Variants in SUGT1 observed in about 807,000 individuals in gnomAD.
SUGT1 encodes SGT1 assembly cochaperone of MIS12 kinetochore complex.
In SUGT1, 15 loss-of-function variants were observed where a neutral mutation model predicts 56.1. The ratio of observed to expected loss-of-function variants is 0.27; its 90% CI spans 0.18 to 0.41. The LOEUF is 0.41. Ranked by LOEUF, SUGT1 falls within the 10% of genes least tolerant of loss-of-function variation. SUGT1 has a pLI of 1.00. For synonymous variants in SUGT1, 123 were observed against 128.6 expected (o/e 0.96, Z 0.30); for missense variants, 347 against 382.2 (o/e 0.91, Z 0.77).
chr13:52,657,996 A>G, intron 3 of SUGT1: 1 of 821,708 alleles, frequency 1.2e-6, no homozygotes, highest in Non-Finnish European at 1.6e-6. Context: ...CCAAAGCAGG[A>G]GGATCATTTG....
At position 52,665,691 on chromosome 13, in the gene SUGT1, T is replaced by C; in HGVS notation, c.477T>C (p.Asn159=). The C allele has an allele frequency of 6.2e-7, 1 of 1,608,926 alleles. No individual in the cohort carries two copies. Among genetic ancestry groups the C allele is most frequent in the Non-Finnish European group, 8.5e-7 (1 of 1,178,482 alleles). Residue 159 remains asparagine (N), a synonymous_variant, in exon 9 of 13, where the codon AAT becomes AAC. Coordinates refer to ENST00000310528, the MANE Select transcript of SUGT1 (RefSeq NM_006704.5). The part of the protein sequence containing the change: ...SQVVITLMIK[N]VQKNDVNVEF... ...TAGTCATTACACTTATGATCAAGAA[T>C]GTTCAGAAGAATGATGTAAATGTGG...
At chr13:52,660,755 A>C (rs1395714143) in intron 5 of SUGT1, among the ~76,000 whole-genome samples, 1 of 152,222 alleles carries the variant, frequency 6.6e-6, no homozygotes, top group African/African-American at 2.4e-5. Flanking sequence ...CTTGGTACCT[A>C]ATGTGAAAAT....
chr13:52,671,919 G>A (rs9536228), intron 10 of SUGT1, among the ~76,000 whole-genome samples: 145,670 of 152,258 alleles, frequency 0.96, 69,703 homozygotes, highest in East Asian at 0.99. Flanking sequence ...TGAAAAATGC[G>A]CTTACAGCAA....
rs78398870 is a variant in SUGT1, at chr13:52,658,379, A to T, written c.188-20A>T. ...AGGATCTATAAATAACTGACTAAAA[A>T]CCCGTCTTTTTCTACACAGTTGCTG... On this transcript the variant is annotated intron_variant, in intron 3 of 12. Coordinates refer to ENST00000310528, the MANE Select transcript of SUGT1 (RefSeq NM_006704.5). 1.1e-3 allele frequency: 1,691 copies of T among 1,609,038 alleles called. 15 individuals are homozygous for T. In the African/African-American group the frequency reaches 0.021, roughly 20 times the overall value.
chr13:52,657,974 C>T (rs935867334), intron 3 of SUGT1: 2 of 651,706 alleles, frequency 3.1e-6, no homozygotes, highest in Non-Finnish European at 4.2e-6. Flanking sequence ...GTAATCCCAA[C>T]ACTTTGGGAG....
Position 52,658,483 on chromosome 13 carries a change from CTCT to C in SUGT1, c.257+20_257+22del. 6.2e-7 allele frequency: 1 copy of C among 1,604,728 alleles called. No individual in the cohort carries two copies. The highest frequency in any genetic ancestry group is 8.5e-7 in the Non-Finnish European group (1 of 1,177,588). ...CTGAGAAAAGGGTATGCAGTAGCTA[CTCT>C]TCTTGTTGAGCTTGGTATAGATAGT... On this transcript the variant is annotated intron_variant, in intron 4 of 12. Coordinates refer to ENST00000310528, the MANE Select transcript of SUGT1 (RefSeq NM_006704.5).
chr13:52,662,014 G>A (rs918000114), intron 5 of SUGT1, among the ~76,000 whole-genome samples: 1 of 152,168 alleles, frequency 6.6e-6, no homozygotes, highest in Non-Finnish European at 1.5e-5. Flanking sequence ...TGTGTCTCCA[G>A]AAGTGAATAA....
At chr13:52,661,459 A>G (rs1235362533) in intron 5 of SUGT1, 4 of 282,674 alleles carry the variant, frequency 1.4e-5, no homozygotes, top group South Asian at 1.1e-4. Flanking sequence ...AGCCTGGCTA[A>G]TTTTTGTATT....
At chr13:52,665,594 A>G in intron 8 of SUGT1, 43 bp from the exon 9 acceptor site, 1 of 1,462,630 alleles carries the variant, frequency 6.8e-7, no homozygotes, top group South Asian at 1.3e-5. Flanking sequence ...TAGCTTTAAA[A>G]AAATTAGAAG....
rs1274722360 is a variant in SUGT1 at position 52,697,420 on chromosome 13, A to T, written c.*9585A>T. 1 of 152,256 alleles carries T rather than the reference A, an allele frequency of 6.6e-6. No individual in the cohort carries two copies. The allele number at this position is 152,256 out of a possible 1,614,324, so 9.4% of individuals were successfully genotyped here. A position where few individuals can be genotyped will look rare whatever the true frequency, so the allele number is the denominator to read the frequency against. On this transcript the variant is annotated 3_prime_UTR_variant, in exon 13 of 13. Coordinates refer to ENST00000310528, the MANE Select transcript of SUGT1 (RefSeq NM_006704.5). ...AGCCCAAATGTCTTGGGGAGAGTACAGGAGAGGCCAGATCTTAAAAGCCAG... is the reference window on the plus strand; with the variant it reads ...AGCCCAAATGTCTTGGGGAGAGTACTGGAGAGGCCAGATCTTAAAAGCCAG...
intron 2 of SUGT1, among the ~76,000 whole-genome samples, chr13:52,654,773 G>A (rs1594226166): frequency 6.6e-6 from 1 of 152,316 alleles, no homozygotes; most frequent in East Asian, 1.9e-4. Context: ...TAGTTCTTTC[G>A]CATTGCTGTG....
chr13:52,683,224 A>G (rs1278154008), intron 12 of SUGT1, among the ~76,000 whole-genome samples: 1 of 152,200 alleles, frequency 6.6e-6, no homozygotes, highest in Non-Finnish European at 1.5e-5. Context: ...ATCATTAAGT[A>G]TAATGTTAAC....
intron 5 of SUGT1, among the ~76,000 whole-genome samples, chr13:52,662,033 T>C (rs1403117370): frequency 6.6e-6 from 1 of 152,226 alleles, no homozygotes; most frequent in Non-Finnish European, 1.5e-5. Context: ...AATTTGTTTA[T>C]GCATACATTT....
chr13:52,682,730 T>C (rs1289556596), intron 12 of SUGT1, among the ~76,000 whole-genome samples: 1 of 152,236 alleles, frequency 6.6e-6, no homozygotes, highest in Non-Finnish European at 1.5e-5. Flanking sequence ...TCTATATGTA[T>C]GTTCCTCTGT....
rs1962664100 is a variant in SUGT1 at position 52,665,614 on chromosome 13, A to C, written c.423-23A>C. Reference sequence around the variant, plus strand: ...TTAAAAAAATTAGAAGAGTTACCTAAGTTTCTTTTTTTTTTTTAATAGGTA... The same window carrying C: ...TTAAAAAAATTAGAAGAGTTACCTACGTTTCTTTTTTTTTTTTAATAGGTA... On this transcript the variant is annotated intron_variant, in intron 8 of 12. Coordinates refer to ENST00000310528, the MANE Select transcript of SUGT1 (RefSeq NM_006704.5). The C allele has an allele frequency of 2.0e-6, 3 of 1,466,500 alleles. No individual in the cohort carries two copies. The South Asian group carries it at 3.9e-5, about 19-fold the overall frequency. 90.8% of individuals were successfully genotyped at this position (1,466,500 alleles called of 1,614,324 possible). A position where few individuals can be genotyped will look rare whatever the true frequency, so the allele number is the denominator to read the frequency against.
rs1384169281 is a variant in SUGT1, at chr13:52,695,023, CTTA to C, written c.*7194_*7196del. 2.6e-5 allele frequency: 4 copies of C among 152,240 alleles called. No individual in the cohort carries two copies. Among genetic ancestry groups the C allele is most frequent in the Admixed American group, 2.0e-4 (3 of 15,286 alleles). The allele number at this position is 152,240 out of a possible 1,614,324, so 9.4% of individuals were successfully genotyped here. A position where few individuals can be genotyped will look rare whatever the true frequency, so the allele number is the denominator to read the frequency against. ...TGTTTTTATGAGTTAATTCATCAAT[CTTA>C]TTATTCTTGCCCCAAATGAATCAGT... On this transcript the variant is annotated 3_prime_UTR_variant, in exon 13 of 13. Coordinates refer to ENST00000310528, the MANE Select transcript of SUGT1 (RefSeq NM_006704.5).
rs1963787652 is a variant in SUGT1, at chr13:52,691,861, C to A, written c.*4026C>A. The stretch of plus-strand genomic sequence containing the variant: ...TCTTTTGATGTGGTTTCCCTTTCTC[C>A]ATCTGTGCATTTTTTAAATCGTAAG... On this transcript the variant is annotated 3_prime_UTR_variant, in exon 13 of 13. Coordinates refer to ENST00000310528, the MANE Select transcript of SUGT1 (RefSeq NM_006704.5). The A allele has an allele frequency of 6.6e-6, 1 of 151,986 alleles. No homozygotes were observed. Among genetic ancestry groups the A allele is most frequent in the African/African-American group, 2.4e-5 (1 of 41,360 alleles). 9.4% of individuals were successfully genotyped at this position (151,986 alleles called of 1,614,324 possible). A position where few individuals can be genotyped will look rare whatever the true frequency, so the allele number is the denominator to read the frequency against.
Position 52,653,111 on chromosome 13 carries a change from A to T in SUGT1, c.96+8A>T. On this transcript the variant is annotated splice_region_variant and intron_variant, in intron 2 of 12. Coordinates refer to ENST00000310528, the MANE Select transcript of SUGT1 (RefSeq NM_006704.5). ...CCCCAGGCGGCGTTAGAGGTGAGAGAGCCCATTTCTGCTTCCTCCACTCTT... is the reference window on the plus strand; with the variant it reads ...CCCCAGGCGGCGTTAGAGGTGAGAGTGCCCATTTCTGCTTCCTCCACTCTT... 6.2e-7 allele frequency: 1 copy of T among 1,613,932 alleles called. No homozygotes were observed. The highest frequency in any genetic ancestry group is 8.5e-7 in the Non-Finnish European group (1 of 1,179,982).
intron 12 of SUGT1, among the ~76,000 whole-genome samples, chr13:52,685,805 G>A (rs1436374618): frequency 6.6e-6 from 1 of 152,158 alleles, no homozygotes; most frequent in African/African-American, 2.4e-5. Flanking sequence ...ATAATCAAAG[G>A]GAAATGCTAA....
Sources: allele counts gnomAD v4.1 joint callset (sites outside exome capture counted in the v4.1 genomes callset), GRCh38; gene constraint gnomAD v4.1.1; transcripts MANE v1.5; gene names NCBI Gene and HGNC (gene_info 2026-07-23, HGNC 2026-07-21).